Variants in ATP10B observed in about 807,000 individuals in gnomAD.
ATP10B encodes the protein ATPase phospholipid transporting 10B (putative), also known as phospholipid-transporting ATPase VB.
ATP10B carries 122 observed loss-of-function variants against 141.2 expected under a neutral mutation model. That is an observed-to-expected ratio of 0.86 (90% confidence interval 0.75 to 1.00). ATP10B has a LOEUF of 1.00. ATP10B is among the 50% of genes least tolerant of loss of function. The pLI, the probability that ATP10B is intolerant of heterozygous loss-of-function variation, is 0.00. For synonymous variants in ATP10B, 685 were observed against 692.0 expected (o/e 0.99, Z 0.16); for missense variants, 1,876 against 1,825.3 (o/e 1.03, Z -0.51).
the ATP10B span, among the ~76,000 whole-genome samples, chr5:160,894,420 T>C: frequency 1.3e-5 from 2 of 151,532 alleles, no homozygotes; most frequent in African/African-American, 4.9e-5. Context: ...CAAGTATCAA[T>C]AGCCAAATCG....
intron 2 of ATP10B, among the ~76,000 whole-genome samples, chr5:160,741,625 GTACGT>G (rs1409892160): frequency 6.6e-6 from 1 of 152,122 alleles, no homozygotes; most frequent in African/African-American, 2.4e-5. Context: ...AATCTGTTTT[GTACGT>G]TACATTTTTC....
chr5:160,656,993 A>G (rs1420539034), intron 7 of ATP10B, among the ~76,000 whole-genome samples: 1 of 152,150 alleles, frequency 6.6e-6, no homozygotes, highest in African/African-American at 2.4e-5. Context: ...AGGCTAAAGG[A>G]ATACCAAGGA....
At chr5:160,903,104 C>T in the ATP10B span, among the ~76,000 whole-genome samples, 1 of 152,126 alleles carries the variant, frequency 6.6e-6, no homozygotes, top group Non-Finnish European at 1.5e-5. Flanking sequence ...ATGTGACAGA[C>T]TAAAAAGGAA....
chr5:160,662,102 C>A (rs1407239048), intron 7 of ATP10B, among the ~76,000 whole-genome samples: 1 of 152,128 alleles, frequency 6.6e-6, no homozygotes, highest in African/African-American at 2.4e-5. Context: ...TGTGAAGGAA[C>A]TTTTCAAGGA....
chr5:160,653,765 A>T (rs1425273688), intron 7 of ATP10B, among the ~76,000 whole-genome samples: 2 of 105,150 alleles, frequency 1.9e-5, no homozygotes, highest in Non-Finnish European at 3.7e-5. Context: ...AAATATATAT[A>T]ATATATACAT....
chr5:160,620,258 C>A, intron 15 of ATP10B, 89 bp downstream of exon 15: 2 of 1,499,460 alleles, frequency 1.3e-6, no homozygotes, highest in Non-Finnish European at 1.8e-6. Flanking sequence ...CCAGGTGACA[C>A]TACAACTTGA....
At chr5:160,625,259 A>T (rs1037255247) in intron 13 of ATP10B, among the ~76,000 whole-genome samples, 5 of 152,220 alleles carry the variant, frequency 3.3e-5, no homozygotes, top group Non-Finnish European at 1.5e-5. Flanking sequence ...ATGTGAAAGA[A>T]GTGGCCTTTG....
chr5:160,751,943 C>T (rs990132456), intron 2 of ATP10B, among the ~76,000 whole-genome samples: 3 of 152,142 alleles, frequency 2.0e-5, no homozygotes, highest in Admixed American at 6.5e-5. Context: ...CTGTAAGGAT[C>T]AGAAGAAGAT....
At chr5:160,670,148 A>T (rs1268141836) in intron 7 of ATP10B, among the ~76,000 whole-genome samples, 1 of 152,092 alleles carries the variant, frequency 6.6e-6, no homozygotes, top group Non-Finnish European at 1.5e-5. Flanking sequence ...GTGATGATGG[A>T]ACAGACATTA....
At chr5:160,777,025 C>G (rs1214771572) in intron 2 of ATP10B, among the ~76,000 whole-genome samples, 2 of 152,160 alleles carry the variant, frequency 1.3e-5, no homozygotes, top group Admixed American at 1.3e-4. Flanking sequence ...GGTGCCTGAG[C>G]CAGACCCTGC....
chr5:160,676,210 A>C (rs1263023655), intron 6 of ATP10B, among the ~76,000 whole-genome samples: 1 of 152,170 alleles, frequency 6.6e-6, no homozygotes, highest in African/African-American at 2.4e-5. Flanking sequence ...GCAGTAAAGA[A>C]AGCAGAACTG....
the ATP10B span, among the ~76,000 whole-genome samples, chr5:160,876,870 A>C: frequency 3.4e-5 from 5 of 146,788 alleles, no homozygotes; most frequent in Middle Eastern, 3.4e-3. Context: ...CAATAACAGG[A>C]GCTGAAATTG....
the ATP10B span, among the ~76,000 whole-genome samples, chr5:160,913,023 A>T: frequency 1.3e-5 from 2 of 152,256 alleles, no homozygotes; most frequent in African/African-American, 4.8e-5. Context: ...TGTTTCTCAT[A>T]TAACAGTCAT....
intron 13 of ATP10B, among the ~76,000 whole-genome samples, chr5:160,629,029 G>T (rs1048907689): frequency 3.2e-4 from 49 of 152,230 alleles, no homozygotes; most frequent in African/African-American, 1.1e-3. Flanking sequence ...GCCAACAACT[G>T]GCTTCTTTAG....
chr5:160,815,094 C>T (rs1773504277), intron 1 of ATP10B, among the ~76,000 whole-genome samples: 1 of 152,142 alleles, frequency 6.6e-6, no homozygotes, highest in Non-Finnish European at 1.5e-5. Context: ...GCAAAATAAC[C>T]AGCTAACATC....
At chr5:160,854,441 TGTTA>T (rs540804022), upstream of ATP10B, among the ~76,000 whole-genome samples, 46 of 152,248 alleles carry the variant, frequency 3.0e-4, no homozygotes, top group Admixed American at 1.6e-3. Flanking sequence ...TCTGTTCCTG[TGTTA>T]GTTTGCTAAA....
intron 1 of ATP10B, among the ~76,000 whole-genome samples, chr5:160,790,762 C>G (rs1327545273): frequency 6.6e-6 from 1 of 152,076 alleles, no homozygotes; most frequent in South Asian, 2.1e-4. Flanking sequence ...AATCCCCAGA[C>G]CTGGGGAATA....
chr5:160,743,177 G>T (rs1344898060), intron 2 of ATP10B, among the ~76,000 whole-genome samples: 4 of 152,110 alleles, frequency 2.6e-5, no homozygotes, highest in Non-Finnish European at 5.9e-5. Flanking sequence ...TCAGGAACTT[G>T]CCCACAATCC....
At chr5:160,657,124 G>A (rs1355526496) in intron 7 of ATP10B, among the ~76,000 whole-genome samples, 2 of 152,136 alleles carry the variant, frequency 1.3e-5, no homozygotes, top group Non-Finnish European at 2.9e-5. Flanking sequence ...TGCCAACCAA[G>A]GAAGCTACAC....
Sources: allele counts gnomAD v4.1 joint callset (sites outside exome capture counted in the v4.1 genomes callset), GRCh38; gene constraint gnomAD v4.1.1; transcripts MANE v1.5; gene names NCBI Gene and HGNC (gene_info 2026-07-23, HGNC 2026-07-21).